CLIC5: variants seen among roughly 807,000 people sequenced by gnomAD.
The protein encoded by CLIC5 is CLIC family member 5.
CLIC5 carries 20 observed loss-of-function variants against 24.7 expected under a neutral mutation model. The ratio of observed to expected loss-of-function variants is 0.81; its 90% CI spans 0.57 to 1.18. The LOEUF (loss-of-function observed/expected upper bound fraction) is 1.18. Among genes scored for constraint, CLIC5 ranks in the 50% most tolerant of loss-of-function variants. The pLI is 0.00. For synonymous variants in CLIC5, 159 were observed against 135.6 expected, an observed-to-expected ratio of 1.17 and a Z score of -1.20; for missense variants, 341 against 326.1, an observed-to-expected ratio of 1.05 and a Z score of -0.35.
intron 1 of CLIC5, among the ~76,000 whole-genome samples, chr6:46,056,644 A>G (rs1385203838): frequency 1.3e-5 from 2 of 152,182 alleles, no homozygotes; most frequent in Admixed American, 1.3e-4. Context: ...TGCTAAAGAT[A>G]GGAGTCCCCC....
chr6:46,006,093 CATATAT>C lies in CLIC5; in HGVS notation c.63+9381_63+9386del, dbSNP rs1243138730. ...ATATATATATACACATGTATAAATACATATATATATATATATATACACATGTATAAA... is the reference window on the plus strand; with the variant it reads ...ATATATATATACACATGTATAAATACATATATATATATACACATGTATAAA... On this transcript the variant is annotated intron_variant, in intron 1 of 5. Transcript: ENST00000339561. Among the ~76,000 whole-genome samples the C allele has an allele frequency of 3.2e-5, 3 of 94,798 alleles. No individual in the cohort carries two copies. In the Admixed American group the frequency reaches 3.4e-4, roughly 11 times the overall value. The allele number at this position is 94,798 out of a possible 152,430, so 62.2% of individuals were successfully genotyped here.
chr6:45,930,200 C>T (rs1335903439), intron 4 of CLIC5, among the ~76,000 whole-genome samples: 1 of 152,156 alleles, frequency 6.6e-6, no homozygotes, highest in African/African-American at 2.4e-5. Flanking sequence ...AAGCACAGGG[C>T]CTTTGATAAT....
chr6:45,947,487 C>T (rs1561955246), intron 3 of CLIC5, among the ~76,000 whole-genome samples: 2 of 151,470 alleles, frequency 1.3e-5, no homozygotes, highest in Non-Finnish European at 2.9e-5. Context: ...CCCCTCCATC[C>T]ACTGCCTGGC....
intron 1 of CLIC5, among the ~76,000 whole-genome samples, chr6:45,993,794 A>T (rs980819787): frequency 7.2e-5 from 11 of 152,334 alleles, no homozygotes; most frequent in Admixed American, 2.0e-4. Flanking sequence ...GTTAGTGTAC[A>T]CTTACTATGT....
the CLIC5 span, among the ~76,000 whole-genome samples, chr6:46,092,433 AT>A: frequency 6.6e-6 from 1 of 152,006 alleles, no homozygotes; most frequent in Non-Finnish European, 1.5e-5. Flanking sequence ...TTTAATGTTT[AT>A]TTTTCTAGAG....
chr6:45,893,606 TGG>T (rs1451688853), downstream of CLIC5, among the ~76,000 whole-genome samples: 2 of 152,180 alleles, frequency 1.3e-5, no homozygotes, highest in Admixed American at 1.3e-4. Context: ...TCGTCCCTAA[TGG>T]CAGCCTGATT....
chr6:46,003,943 A>G (rs1766449087), intron 1 of CLIC5, among the ~76,000 whole-genome samples: 1 of 152,194 alleles, frequency 6.6e-6, no homozygotes. Flanking sequence ...CTGACAAATC[A>G]CCTGGTATAT....
intron 1 of CLIC5, among the ~76,000 whole-genome samples, chr6:46,008,659 C>G (rs3777623): frequency 6.6e-6 from 1 of 151,996 alleles, no homozygotes; most frequent in Non-Finnish European, 1.5e-5. Flanking sequence ...CATTCTTTAT[C>G]TTACTATCTC....
chr6:46,123,816 T>C, the CLIC5 span, among the ~76,000 whole-genome samples: 1 of 152,236 alleles, frequency 6.6e-6, no homozygotes, highest in East Asian at 1.9e-4. Flanking sequence ...AAATCATGAG[T>C]GAACTCCCAT....
the CLIC5 span, among the ~76,000 whole-genome samples, chr6:46,088,011 T>C: frequency 6.6e-6 from 1 of 152,180 alleles, no homozygotes; most frequent in Non-Finnish European, 1.5e-5. Context: ...TTTAATTATG[T>C]TTCTCTACCT....
intron 1 of CLIC5, among the ~76,000 whole-genome samples, chr6:46,026,386 C>G (rs181762668): frequency 1.7e-4 from 26 of 152,198 alleles, no homozygotes; most frequent in Admixed American, 1.6e-3. Context: ...TTTTCTGGTC[C>G]TAGTGAGGCA....
intron 3 of CLIC5, among the ~76,000 whole-genome samples, chr6:45,947,548 C>A (rs1485981678): frequency 6.6e-6 from 1 of 152,100 alleles, no homozygotes; most frequent in East Asian, 1.9e-4. Flanking sequence ...TTTCCACTTC[C>A]TAATGATCAT....
At chr6:46,088,101 G>T in the CLIC5 span, among the ~76,000 whole-genome samples, 1 of 147,414 alleles carries the variant, frequency 6.8e-6, no homozygotes, top group Non-Finnish European at 1.5e-5. Flanking sequence ...CATCTGGGAA[G>T]TTTGGTCTTA....
At chr6:45,926,764 G>C (rs1251758124) in intron 4 of CLIC5, among the ~76,000 whole-genome samples, 2 of 152,178 alleles carry the variant, frequency 1.3e-5, no homozygotes, top group Non-Finnish European at 2.9e-5. Context: ...ATGGTGAAAA[G>C]AAAAATCCCA....
At chr6:45,943,233 G>T (rs1764190105) in intron 3 of CLIC5, among the ~76,000 whole-genome samples, 1 of 152,212 alleles carries the variant, frequency 6.6e-6, no homozygotes, top group Non-Finnish European at 1.5e-5. Context: ...GGAAGACTAG[G>T]TTTTAAATTC....
chr6:45,935,082 A>C (rs1581761002), intron 4 of CLIC5, among the ~76,000 whole-genome samples: 1 of 152,258 alleles, frequency 6.6e-6, no homozygotes, highest in Non-Finnish European at 1.5e-5. Flanking sequence ...GAATTTCTTG[A>C]AAACCAAGAG....
the CLIC5 span, among the ~76,000 whole-genome samples, chr6:46,092,914 T>C: frequency 1.3e-5 from 2 of 152,200 alleles, no homozygotes; most frequent in African/African-American, 4.8e-5. Context: ...GTGTACAAGA[T>C]TAGGGATCTT....
At chr6:46,094,181 A>G in the CLIC5 span, among the ~76,000 whole-genome samples, 2 of 152,230 alleles carry the variant, frequency 1.3e-5, no homozygotes, top group Non-Finnish European at 2.9e-5. Context: ...ACCAGGCCCC[A>G]TCACCAACAT....
chr6:46,085,881 C>G, the CLIC5 span, among the ~76,000 whole-genome samples: 9 of 152,350 alleles, frequency 5.9e-5, no homozygotes, highest in Admixed American at 2.0e-4. Flanking sequence ...ACTCCTTGAG[C>G]TGTGGTGGGC....
Sources: allele counts gnomAD v4.1 joint callset (sites outside exome capture counted in the v4.1 genomes callset), GRCh38; gene constraint gnomAD v4.1.1; transcripts MANE v1.5; gene names NCBI Gene and HGNC (gene_info 2026-07-23, HGNC 2026-07-21).